The following FOXP1 variants were observed in gnomAD, a reference collection of about 807,000 sequenced individuals.
FOXP1 encodes the protein forkhead box P1.
In FOXP1, 15 loss-of-function variants were observed where a neutral mutation model predicts 98.2. That is an observed-to-expected ratio of 0.15 (90% confidence interval 0.10 to 0.24). The LOEUF is 0.24. Among genes scored for constraint, FOXP1 ranks in the 10% least tolerant of loss-of-function variants. The pLI is 1.00. For missense variants in FOXP1, 633 were observed against 848.5 expected (o/e 0.75, Z 3.15); for synonymous variants, 371 against 314.5 (o/e 1.18, Z -1.90).
chr3:71,482,708 C>T (rs970135408), intron 3 of FOXP1, among the ~76,000 whole-genome samples: 3 of 152,010 alleles, frequency 2.0e-5, no homozygotes, highest in African/African-American at 7.2e-5. Flanking sequence ...CCTAATAATA[C>T]ATAACTTTAA....
At chr3:71,332,932 C>T (rs2076430109) in intron 4 of FOXP1, 1 of 152,174 alleles carries the variant, frequency 6.6e-6, no homozygotes, top group Non-Finnish European at 1.5e-5. Flanking sequence ...ACTAAATGGA[C>T]AGTATGGTGA....
At chr3:71,052,465 A>T (rs1576450553) in intron 9 of FOXP1, 72 bp downstream of exon 9, 2 of 847,676 alleles carry the variant, frequency 2.4e-6, no homozygotes, top group Non-Finnish European at 4.2e-6. Context: ...TAAAAGATGA[A>T]TGACAGTTTA....
At chr3:71,493,193 G>A (rs771176289) in intron 3 of FOXP1, among the ~76,000 whole-genome samples, 4 of 152,136 alleles carry the variant, frequency 2.6e-5, no homozygotes, top group Admixed American at 6.5e-5. Flanking sequence ...ATCCTTCAGA[G>A]TATGATTAAA....
At chr3:71,529,373 T>C (rs1391110107) in intron 2 of FOXP1, among the ~76,000 whole-genome samples, 1 of 152,226 alleles carries the variant, frequency 6.6e-6, no homozygotes, top group Non-Finnish European at 1.5e-5. Flanking sequence ...CCTTATGACA[T>C]AATAAGAAAT....
chr3:71,433,964 T>C (rs1022690576), intron 3 of FOXP1, among the ~76,000 whole-genome samples: 7 of 152,228 alleles, frequency 4.6e-5, no homozygotes, highest in Non-Finnish European at 1.0e-4. Flanking sequence ...TAAATTGCAA[T>C]CGTTTATCTT....
intron 5 of FOXP1, among the ~76,000 whole-genome samples, chr3:71,295,595 T>G (rs2073206311): frequency 6.6e-6 from 1 of 152,190 alleles, no homozygotes; most frequent in Admixed American, 6.5e-5. Flanking sequence ...ACACAAAATG[T>G]GAAGCTTGGA....
At chr3:71,099,513 A>ACAAAG in intron 7 of FOXP1, among the ~76,000 whole-genome samples, 1 of 152,184 alleles carries the variant, frequency 6.6e-6, no homozygotes, top group Admixed American at 6.5e-5. Flanking sequence ...CTCCATCTCA[A>ACAAAG]CAAAGCAAAA....
intron 5 of FOXP1, among the ~76,000 whole-genome samples, chr3:71,207,956 A>G (rs1442885467): frequency 6.6e-6 from 1 of 152,260 alleles, no homozygotes; most frequent in Non-Finnish European, 1.5e-5. Context: ...ATGGACAGGT[A>G]AGAACCACAG....
intron 3 of FOXP1, among the ~76,000 whole-genome samples, chr3:71,420,622 C>T (rs966472499): frequency 1.2e-4 from 19 of 152,240 alleles, no homozygotes; most frequent in Non-Finnish European, 2.6e-4. Flanking sequence ...CAGACCCTGC[C>T]CAAGTGGATC....
chr3:71,153,792 T>A (rs1450723746), intron 6 of FOXP1, among the ~76,000 whole-genome samples: 1 of 152,170 alleles, frequency 6.6e-6, no homozygotes, highest in African/African-American at 2.4e-5. Context: ...CACCTCCACA[T>A]CACAAGTCAG....
intron 2 of FOXP1, among the ~76,000 whole-genome samples, chr3:71,495,311 T>C (rs1189128415): frequency 2.6e-5 from 4 of 152,238 alleles, no homozygotes; most frequent in Admixed American, 6.5e-5. Flanking sequence ...TTAGTCTCAA[T>C]TATATCATCC....
At chr3:71,327,210 G>C (rs1435331366) in intron 4 of FOXP1, among the ~76,000 whole-genome samples, 1 of 151,380 alleles carries the variant, frequency 6.6e-6, no homozygotes, top group Non-Finnish European at 1.5e-5. Context: ...GGAATCATTT[G>C]AGGCTGACTT....
In FOXP1 at chr3:71,041,342, A is replaced by C. The variant is rs141007926; in HGVS notation, c.855T>G (p.Thr285=). The C allele has an allele frequency of 4.6e-5, 75 of 1,613,116 alleles. No individual in the cohort carries two copies. The African/African-American group carries it at 9.4e-4, about 20-fold the overall frequency. ...CTGGTTCCTACCTTTCCCTTTTGGG[A>C]GTGTGGACTGAGAGCTGTCCATTGG... ...ASTNGQLSVH[T]PKRESLSHEE... Residue 285 remains threonine (T), a synonymous_variant, in exon 11 of 21, where the codon ACT becomes ACG. Coordinates refer to ENST00000649528, the MANE Select transcript of FOXP1 (RefSeq NM_001349338.3).
intron 6 of FOXP1, among the ~76,000 whole-genome samples, chr3:71,129,388 T>C (rs1284167062): frequency 1.3e-5 from 2 of 152,228 alleles, no homozygotes; most frequent in African/African-American, 4.8e-5. Context: ...TTTATGTATC[T>C]AAATGTTTCT....
rs762945911 is a variant in FOXP1 at position 71,280,424 on chromosome 3, G to A, written c.-12+19396C>T. Among the ~76,000 whole-genome samples the A allele has an allele frequency of 5.3e-5, 8 of 151,328 alleles. No individual in the cohort carries two copies. The South Asian group carries it at 6.2e-4, about 12-fold the overall frequency. On this transcript the variant is annotated intron_variant, in intron 5 of 20. Coordinates refer to ENST00000649528, the MANE Select transcript of FOXP1 (RefSeq NM_001349338.3). Reference sequence around the variant, plus strand: ...CAACCTCCGCCTCCCTGGTTCAAGCGATTCTCCTGCCTCAGCTTCTTGAAT... The same window carrying A: ...CAACCTCCGCCTCCCTGGTTCAAGCAATTCTCCTGCCTCAGCTTCTTGAAT...
chr3:71,558,604 C>G (rs891835335), intron 2 of FOXP1, among the ~76,000 whole-genome samples: 2 of 151,622 alleles, frequency 1.3e-5, no homozygotes, highest in Admixed American at 6.6e-5. Context: ...AAGCGATTCT[C>G]CTGCCTCAGC....
At position 71,168,472 on chromosome 3, in the gene FOXP1, T is replaced by C. The variant is rs1268064479; in HGVS notation, c.180+29730A>G. Reference sequence around the variant, plus strand: ...TCATGTAATAAGTATGAGAAATATATGTGCAATGGCCAAATGGCCGGTAGA... The same window carrying C: ...TCATGTAATAAGTATGAGAAATATACGTGCAATGGCCAAATGGCCGGTAGA... On this transcript the variant is annotated intron_variant, in intron 6 of 20. Transcript: ENST00000649528. Among the ~76,000 whole-genome samples, 3 of 152,250 alleles carry C rather than the reference T, an allele frequency of 2.0e-5. No homozygotes were observed. The East Asian group carries it at 5.8e-4, about 29-fold the overall frequency.
chr3:71,258,084 A>G (rs1238057582), intron 5 of FOXP1, among the ~76,000 whole-genome samples: 2 of 152,214 alleles, frequency 1.3e-5, no homozygotes, highest in African/African-American at 4.8e-5. Context: ...CTGGGCACAC[A>G]AAAATAAATT....
intron 5 of FOXP1, among the ~76,000 whole-genome samples, chr3:71,256,393 C>CT (rs902380810): frequency 3.3e-5 from 5 of 151,806 alleles, no homozygotes; most frequent in African/African-American, 9.7e-5. Flanking sequence ...GTTTTCTTTT[C>CT]TTTTTTTTGA....
Sources: gnomAD v4.1 joint callset for allele counts (sites outside exome capture counted in the v4.1 genomes callset) on GRCh38, gnomAD v4.1.1 for gene constraint, MANE v1.5 for transcripts, NCBI Gene and HGNC (gene_info 2026-07-23, HGNC 2026-07-21) for gene names.